Variants in IGFBP7 observed in about 807,000 individuals in gnomAD.
The protein encoded by IGFBP7 is insulin like growth factor binding protein 7, also known as insulin-like growth factor-binding protein 7.
A neutral mutation model predicts 29.4 loss-of-function variants in IGFBP7; 31 were observed. The ratio of observed to expected loss-of-function variants is 1.05; its 90% CI spans 0.79 to 1.42. The LOEUF is 1.42. IGFBP7 is among the 40% of genes most tolerant of loss of function. IGFBP7 has a pLI of 0.00. For synonymous variants in IGFBP7, 172 were observed against 174.9 expected (o/e 0.98, Z 0.13); for missense variants, 393 against 395.5 (o/e 0.99, Z 0.05).
At chr4:57,096,383 C>T (rs1026266815) in intron 1 of IGFBP7, among the ~76,000 whole-genome samples, 2 of 151,210 alleles carry the variant, frequency 1.3e-5, no homozygotes, top group Non-Finnish European at 2.9e-5. Flanking sequence ...ATGAAGCATC[C>T]CAAAAAGTGA....
intron 2 of IGFBP7, 64 bp downstream of exon 2, chr4:57,040,760 A>G (rs1724201477): frequency 1.7e-6 from 2 of 1,159,176 alleles, no homozygotes; most frequent in Admixed American, 3.5e-5. Flanking sequence ...ACGTTTTACC[A>G]TCCTTGTGCA....
Position 57,032,508 on chromosome 4 carries a change from A to G in IGFBP7, c.747T>C (p.His249=), listed in dbSNP as rs540388218. 9 of 1,614,064 alleles carry G rather than the reference A, an allele frequency of 5.6e-6. No individual in the cohort carries two copies. The South Asian group carries it at 8.8e-5, about 16-fold the overall frequency. The change falls in exon 4 of 5, where the codon CAT becomes CAC. Residue 249 remains histidine, a synonymous_variant. Transcript: ENST00000295666. ...SKEDAGEYEC[H]ASNSQGQASA... ...AAGCCTGTCCTTGGGAATTGGATGCATGGCACTCATATTCTCCAGCATCTT... is the reference window on the plus strand; with the variant it reads ...AAGCCTGTCCTTGGGAATTGGATGCGTGGCACTCATATTCTCCAGCATCTT...
intron 1 of IGFBP7, among the ~76,000 whole-genome samples, chr4:57,049,243 A>G (rs1724442465): frequency 6.6e-6 from 1 of 152,218 alleles, no homozygotes; most frequent in East Asian, 1.9e-4. Flanking sequence ...GTCATGTTTG[A>G]AAGCTAAATA....
At chr4:57,094,570 G>T (rs1725717848) in intron 1 of IGFBP7, among the ~76,000 whole-genome samples, 1 of 152,156 alleles carries the variant, frequency 6.6e-6, no homozygotes. Flanking sequence ...GCAAAAACAG[G>T]CTCATCATGG....
At chr4:57,068,245 G>A (rs975144418) in intron 1 of IGFBP7, among the ~76,000 whole-genome samples, 8 of 150,794 alleles carry the variant, frequency 5.3e-5, no homozygotes. Flanking sequence ...AGCCAAGATC[G>A]TGCCACTGTA....
intron 3 of IGFBP7, among the ~76,000 whole-genome samples, chr4:57,032,907 A>C (rs1723975192): frequency 6.6e-6 from 1 of 152,262 alleles, no homozygotes; most frequent in South Asian, 2.1e-4. Context: ...ATCGATAATC[A>C]GTTAAAACAA....
chr4:57,062,425 C>G (rs1361845584), intron 1 of IGFBP7, among the ~76,000 whole-genome samples: 1 of 152,184 alleles, frequency 6.6e-6, no homozygotes. Flanking sequence ...GGTGTCATGG[C>G]TTTACTATTT....
intron 1 of IGFBP7, among the ~76,000 whole-genome samples, chr4:57,077,854 G>C (rs1388375493): frequency 1.3e-5 from 2 of 152,154 alleles, no homozygotes; most frequent in Non-Finnish European, 2.9e-5. Context: ...TACAGAATGG[G>C]GTAATAACAG....
chr4:57,105,568 A>G (rs891591524), intron 1 of IGFBP7, among the ~76,000 whole-genome samples: 8 of 152,186 alleles, frequency 5.3e-5, no homozygotes, highest in African/African-American at 1.7e-4. Context: ...CTTCATGACA[A>G]CCCTATGAGA....
intron 1 of IGFBP7, among the ~76,000 whole-genome samples, chr4:57,062,993 C>G (rs1724834667): frequency 6.6e-6 from 1 of 152,072 alleles, no homozygotes; most frequent in South Asian, 2.1e-4. Flanking sequence ...TAGCTTTTCC[C>G]AGCCTCATTT....
intron 1 of IGFBP7, among the ~76,000 whole-genome samples, chr4:57,057,864 G>A (rs1724711213): frequency 6.6e-6 from 1 of 152,204 alleles, no homozygotes; most frequent in Non-Finnish European, 1.5e-5. Context: ...TTGGGAAAGG[G>A]TTATGGTCTG....
At chr4:57,040,715 G>A (rs557823362) in intron 2 of IGFBP7, 109 bp downstream of exon 2, 9 of 820,628 alleles carry the variant, frequency 1.1e-5, no homozygotes, top group African/African-American at 6.7e-5. Flanking sequence ...TTCACCTTGC[G>A]GGAGCCGCAG....
chr4:57,109,279 AAAAC>A (rs1726111711), intron 1 of IGFBP7, among the ~76,000 whole-genome samples: 3 of 151,460 alleles, frequency 2.0e-5, no homozygotes, highest in Non-Finnish European at 4.4e-5. Context: ...AACAAAACAA[AAAAC>A]CAAAAATTGG....
Position 57,077,347 on chromosome 4 carries a change from G to A in IGFBP7, c.475+32530C>T, listed in dbSNP as rs536684342. Among the ~76,000 whole-genome samples the A allele has an allele frequency of 3.3e-5, 5 of 152,148 alleles. No individual in the cohort carries two copies. The South Asian group carries it at 1.0e-3, about 32-fold the overall frequency. On this transcript the variant is annotated intron_variant, in intron 1 of 4. Coordinates refer to ENST00000295666, the MANE Select transcript of IGFBP7 (RefSeq NM_001553.3). ...GGCTGGGATGTAGTGATGTGATCTC[G>A]GCTCACTGCAACCTCCATCTCCCGG...
chr4:57,083,739 T>C (rs923163563), intron 1 of IGFBP7, among the ~76,000 whole-genome samples: 29 of 152,350 alleles, frequency 1.9e-4, no homozygotes, highest in African/African-American at 6.7e-4. Context: ...AATGGGTGAA[T>C]GAATAAGTAA....
chr4:57,033,386 A>C (rs1392572576), intron 2 of IGFBP7, 75 bp from the exon 3 acceptor site: 17 of 908,288 alleles, frequency 1.9e-5, no homozygotes, highest in Non-Finnish European at 3.2e-5. Context: ...ACATCCCTAC[A>C]ATTGCACATA....
At chr4:57,076,881 G>T (rs978216583) in intron 1 of IGFBP7, among the ~76,000 whole-genome samples, 2 of 152,134 alleles carry the variant, frequency 1.3e-5, no homozygotes, top group African/African-American at 2.4e-5. Context: ...TCCTGAAAAC[G>T]CAGTCATGTG....
At chr4:57,098,464 C>T (rs1014303236) in intron 1 of IGFBP7, among the ~76,000 whole-genome samples, 1 of 152,130 alleles carries the variant, frequency 6.6e-6, no homozygotes, top group African/African-American at 2.4e-5. Flanking sequence ...CCAGAACAGG[C>T]CTGCCCTGCC....
At chr4:57,075,576 T>G (rs1725202376) in intron 1 of IGFBP7, among the ~76,000 whole-genome samples, 1 of 152,104 alleles carries the variant, frequency 6.6e-6, no homozygotes, top group African/African-American at 2.4e-5. Flanking sequence ...TTAAAGTGCT[T>G]TTCTAATGAG....
Sources: allele counts gnomAD v4.1 joint callset (sites outside exome capture counted in the v4.1 genomes callset), GRCh38; gene constraint gnomAD v4.1.1; transcripts MANE v1.5; gene names NCBI Gene and HGNC (gene_info 2026-07-23, HGNC 2026-07-21).